TSPAN14: variants seen among roughly 807,000 people sequenced by gnomAD.
TSPAN14 encodes the protein tetraspanin-14.
Under a neutral mutation model 36.6 loss-of-function variants are expected in TSPAN14, and 16 were observed. The ratio of observed to expected loss-of-function variants is 0.44; its 90% CI spans 0.30 to 0.66. The LOEUF (loss-of-function observed/expected upper bound fraction) is 0.66. TSPAN14 is among the 30% of genes least tolerant of loss of function. The probability of loss-of-function intolerance (pLI) is 0.12; values close to 1 mark genes in which losing one functional copy is unlikely to be tolerated. For synonymous variants in TSPAN14, 139 were observed against 143.8 expected (o/e 0.97, Z 0.24); for missense variants, 231 against 355.1 (o/e 0.65, Z 2.81).
chr10:80,484,972 C>CT (rs1385031902), intron 1 of TSPAN14, among the ~76,000 whole-genome samples: 1 of 152,162 alleles, frequency 6.6e-6, no homozygotes, highest in Non-Finnish European at 1.5e-5. Flanking sequence ...ACAATTCTCC[C>CT]TTTGCCCTGT....
At chr10:80,479,419 GT>G (rs1405901177) in intron 1 of TSPAN14, among the ~76,000 whole-genome samples, 1 of 152,098 alleles carries the variant, frequency 6.6e-6, no homozygotes, top group Non-Finnish European at 1.5e-5. Context: ...GGTTTTTATG[GT>G]TTTAGGTCTA....
chr10:80,508,067 AC>A (rs1348190501), intron 4 of TSPAN14, among the ~76,000 whole-genome samples: 2 of 149,798 alleles, frequency 1.3e-5, no homozygotes, highest in Non-Finnish European at 3.0e-5. Context: ...AACAGAGATT[AC>A]GTTTTGGCAG....
intron 1 of TSPAN14, among the ~76,000 whole-genome samples, chr10:80,463,320 C>T (rs867398689): frequency 2.6e-5 from 4 of 152,138 alleles, no homozygotes; most frequent in Non-Finnish European, 5.9e-5. Flanking sequence ...TTTTTATTTA[C>T]AAAAATGTAT....
chr10:80,507,148 G>C, intron 3 of TSPAN14, 80 bp from the exon 4 acceptor site: 1 of 1,558,314 alleles, frequency 6.4e-7, no homozygotes, highest in South Asian at 1.1e-5. Context: ...CCTGTTTTCA[G>C]TACCACCTGC....
intron 1 of TSPAN14, among the ~76,000 whole-genome samples, chr10:80,488,455 A>G (rs1847746211): frequency 6.6e-6 from 1 of 152,066 alleles, no homozygotes; most frequent in Non-Finnish European, 1.5e-5. Context: ...GTCTTCCCAC[A>G]TAGGCTGTGT....
intron 1 of TSPAN14, among the ~76,000 whole-genome samples, chr10:80,487,411 T>G (rs1251423053): frequency 6.6e-6 from 1 of 152,106 alleles, no homozygotes; most frequent in African/African-American, 2.4e-5. Flanking sequence ...CTGGGATCTG[T>G]ATTTAAAATA....
chr10:80,511,712 C>CTCTCTCTCTCTT (rs1840638621), intron 5 of TSPAN14, among the ~76,000 whole-genome samples: 1 of 3,664 alleles, frequency 2.7e-4, no homozygotes, highest in East Asian at 5.2e-3. Context: ...AGGGCAGGTC[C>CTCTCTCTCTCTT]TCTCTCTCTC....
At chr10:80,512,881 T>A (rs1840734498) in intron 6 of TSPAN14, among the ~76,000 whole-genome samples, 2 of 15,328 alleles carry the variant, frequency 1.3e-4, no homozygotes, top group African/African-American at 3.3e-4. Flanking sequence ...TTTGTTGTTG[T>A]TGTTGTTGTT....
intron 1 of TSPAN14, among the ~76,000 whole-genome samples, chr10:80,462,644 C>T (rs1206505883): frequency 6.6e-6 from 1 of 152,152 alleles, no homozygotes; most frequent in African/African-American, 2.4e-5. Flanking sequence ...ATATGTATCT[C>T]TTTAGTGAGG....
intron 2 of TSPAN14, among the ~76,000 whole-genome samples, chr10:80,499,378 A>C (rs1848372055): frequency 6.6e-6 from 1 of 152,138 alleles, no homozygotes; most frequent in South Asian, 2.1e-4. Flanking sequence ...TTTAATCTTC[A>C]CAGTGACCCA....
chr10:80,468,289 C>G (rs568407307), intron 1 of TSPAN14, among the ~76,000 whole-genome samples: 5 of 152,140 alleles, frequency 3.3e-5, no homozygotes, highest in Non-Finnish European at 4.4e-5. Context: ...GTGTTTCTGC[C>G]GGCACGAACA....
In TSPAN14 at chr10:80,509,328, T is replaced by C. The variant is rs1276346182; in HGVS notation, c.307T>C (p.Phe103Leu). The change falls in exon 5 of 9, where the codon TTC becomes CTC. Residue 103 changes from phenylalanine (F) to leucine (L), a missense_variant. By Grantham distance (22) the Phe-to-Leu change is conservative. Coordinates refer to ENST00000429989, the Ensembl canonical transcript of TSPAN14. The surrounding 1 kb of genome is among the most constrained non-coding windows in gnomAD (Gnocchi z 4.7). ...CTGTGGCACCATCGTGCTCATCTTC[T>C]TCCTGGAGCTGGCTGTGGCCGTGCT... 1.9e-6 allele frequency: 3 copies of C among 1,614,118 alleles called. No homozygotes were observed. The highest frequency in any genetic ancestry group is 2.2e-5 in the East Asian group (1 of 44,870).
At chr10:80,520,397 G>A (rs1191102630) in exon 9 of TSPAN14, 2 of 402,914 alleles carry the variant, frequency 5.0e-6, no homozygotes, top group East Asian at 6.0e-5. Flanking sequence ...GGCAGTCTCC[G>A]CCCAGCATCG....
chr10:80,459,699 G>A (rs923569901), intron 1 of TSPAN14, among the ~76,000 whole-genome samples: 5 of 152,198 alleles, frequency 3.3e-5, no homozygotes, highest in Admixed American at 6.5e-5. Flanking sequence ...TACACTGCAC[G>A]GCCTTGAGAG....
chr10:80,468,008 A>C lies in TSPAN14; in HGVS notation c.-18+13637A>C, dbSNP rs551421485. Reference sequence around the variant, plus strand: ...AACAAACTTGTTAAAAGTAAAAATGAAAACAATATCCCCATTCCTCTTCTT... The same window carrying C: ...AACAAACTTGTTAAAAGTAAAAATGCAAACAATATCCCCATTCCTCTTCTT... On this transcript the variant is annotated intron_variant, in intron 1 of 8. Coordinates refer to ENST00000429989, the Ensembl canonical transcript of TSPAN14. 2.0e-5 allele frequency among the ~76,000 whole-genome samples: 3 copies of C among 152,362 alleles called. No individual in the cohort carries two copies. The South Asian group carries it at 6.2e-4, about 32-fold the overall frequency.
chr10:80,507,102 C>T (rs1840343982), intron 3 of TSPAN14, 126 bp from the exon 4 acceptor site: 2 of 1,272,418 alleles, frequency 1.6e-6, no homozygotes, highest in African/African-American at 1.5e-5. Context: ...TCTGGCCTGG[C>T]TGTCAACAAG....
chr10:80,503,506 A>T (rs2132039679), intron 2 of TSPAN14, among the ~76,000 whole-genome samples: 1 of 151,780 alleles, frequency 6.6e-6, no homozygotes, highest in South Asian at 2.1e-4. Context: ...TGCTTTTGTA[A>T]AATGGAGGGA....
chr10:80,512,681 TTTTC>T (rs1840723593), intron 6 of TSPAN14, among the ~76,000 whole-genome samples: 1 of 152,034 alleles, frequency 6.6e-6, no homozygotes, highest in South Asian at 2.1e-4. Context: ...TGGAGAATTA[TTTTC>T]TTTCTTTTTC....
intron 1 of TSPAN14, among the ~76,000 whole-genome samples, chr10:80,457,271 C>T (rs148024048): frequency 0.03 from 4,588 of 151,676 alleles, 226 homozygotes; most frequent in African/African-American, 0.1. Context: ...CTGCAACCTC[C>T]GCCTCCTGGG....
Sources: gnomAD v4.1 joint callset for allele counts (sites outside exome capture counted in the v4.1 genomes callset) on GRCh38, gnomAD v4.1.1 for gene constraint, Gnocchi (gnomAD v3.1) non-coding constraint, MANE v1.5 for transcripts, NCBI Gene and HGNC (gene_info 2026-07-23, HGNC 2026-07-21) for gene names.